Variants in FBXL7 observed in about 807,000 individuals in gnomAD.
FBXL7 encodes F-box and leucine rich repeat protein 7, also known as F-box/LRR-repeat protein 7.
FBXL7 carries 12 observed loss-of-function variants against 38.3 expected under a neutral mutation model. That is an observed-to-expected ratio of 0.31 (90% CI 0.20 to 0.51). The LOEUF (loss-of-function observed/expected upper bound fraction) is 0.51, where lower values mean the gene tolerates loss of function less well. Among genes scored for constraint, FBXL7 ranks in the 20% least tolerant of loss-of-function variants. The probability of loss-of-function intolerance (pLI) is 0.98; values close to 1 mark genes in which losing one functional copy is unlikely to be tolerated. For synonymous variants in FBXL7, 297 were observed against 300.9 expected (o/e 0.99, Z 0.13); for missense variants, 567 against 676.4 (o/e 0.84, Z 1.79).
Position 15,853,347 on chromosome 5 carries a change from T to TC in FBXL7, c.128-74542dup, listed in dbSNP as rs568933712. On this transcript the variant is annotated intron_variant, in intron 2 of 3. Transcript: ENST00000504595. ...CTTCTGTATTTTCAAGGAGGTGACA[T>TC]CTTGAAGGGGAATTTATGGGATGAG... Among the ~76,000 whole-genome samples, 400 of 152,118 alleles carry TC rather than the reference T, an allele frequency of 2.6e-3. 2 individuals are homozygous for TC. Among genetic ancestry groups the TC allele is most frequent in the Non-Finnish European group, 4.2e-3 (285 of 67,994 alleles).
chr5:15,649,424 C>T (rs1162486148), intron 2 of FBXL7, among the ~76,000 whole-genome samples: 1 of 152,160 alleles, frequency 6.6e-6, no homozygotes, highest in African/African-American at 2.4e-5. Flanking sequence ...CCTGTAGTTA[C>T]AAAGCCTATG....
intron 2 of FBXL7, among the ~76,000 whole-genome samples, chr5:15,903,761 T>C (rs945025792): frequency 2.0e-5 from 3 of 149,038 alleles, no homozygotes; most frequent in African/African-American, 7.3e-5. Flanking sequence ...GAATTTTTAT[T>C]AAATTAAATT....
At chr5:15,648,895 C>CT (rs5866155) in intron 2 of FBXL7, among the ~76,000 whole-genome samples, 28,090 of 143,410 alleles carry the variant, frequency 0.2, 2,792 homozygotes, top group African/African-American at 0.25. Flanking sequence ...TCAATTTCAA[C>CT]TTTTTTTTTT....
At chr5:15,787,785 G>A (rs1160988504) in intron 2 of FBXL7, among the ~76,000 whole-genome samples, 1 of 152,292 alleles carries the variant, frequency 6.6e-6, no homozygotes, top group South Asian at 2.1e-4. Flanking sequence ...CCTTGGACAT[G>A]CCCTGGTTTG....
chr5:15,824,378 C>T (rs1177337841), intron 2 of FBXL7, among the ~76,000 whole-genome samples: 2 of 151,878 alleles, frequency 1.3e-5, no homozygotes, highest in Non-Finnish European at 2.9e-5. Context: ...TTGTTCCTAC[C>T]TGACTGTGGC....
chr5:15,698,441 C>T (rs62347941), intron 2 of FBXL7, among the ~76,000 whole-genome samples: 41,380 of 152,088 alleles, frequency 0.27, 6,690 homozygotes, highest in South Asian at 0.38. Context: ...AGAATAATGA[C>T]GCCCAAGAGC....
chr5:15,616,069 G>A lies in FBXL7; in HGVS notation c.124G>A (p.Glu42Lys), dbSNP rs754337731. 4.4e-6 allele frequency: 7 copies of A among 1,608,566 alleles called. No homozygotes were observed. Among genetic ancestry groups the A allele is most frequent in the African/African-American group, 2.7e-5 (2 of 74,636 alleles). The change falls in exon 2 of 4, where the codon GAA (glutamate) becomes AAA (lysine). Residue 42 changes from glutamate (E) to lysine (K), a missense_variant. By Grantham distance (56) the Glu-to-Lys change is moderately conservative. Coordinates refer to ENST00000504595, the MANE Select transcript of FBXL7 (RefSeq NM_012304.5). The part of the protein sequence containing the change: ...TKAQKNVATS[E>K]DSDLSMRTLS... The stretch of plus-strand genomic sequence containing the variant: ...AGCCCAGAAGAATGTGGCTACCAGC[G>A]AAGGTAGGCAGCTGGTCTTCATTAT...
chr5:15,872,189 T>G (rs1432215880), intron 2 of FBXL7, among the ~76,000 whole-genome samples: 1 of 152,130 alleles, frequency 6.6e-6, no homozygotes, highest in Non-Finnish European at 1.5e-5. Flanking sequence ...AACAGCTTCA[T>G]AAGCAAAGGA....
chr5:15,764,157 C>T (rs1227604198), intron 2 of FBXL7, among the ~76,000 whole-genome samples: 1 of 152,162 alleles, frequency 6.6e-6, no homozygotes, highest in Non-Finnish European at 1.5e-5. Flanking sequence ...AATTCCCTAT[C>T]ACATAAACCA....
intron 2 of FBXL7, among the ~76,000 whole-genome samples, chr5:15,656,783 T>C (rs751257778): frequency 6.6e-6 from 1 of 151,980 alleles, no homozygotes; most frequent in Non-Finnish European, 1.5e-5. Flanking sequence ...AAAATACAGC[T>C]AATGAATGAG....
intron 1 of FBXL7, among the ~76,000 whole-genome samples, chr5:15,579,250 T>TC (rs1739064570): frequency 6.6e-6 from 1 of 152,048 alleles, no homozygotes; most frequent in Admixed American, 6.5e-5. Context: ...TAAGACTTAC[T>TC]CCCCCAGGCT....
In FBXL7 at chr5:15,924,691, A is replaced by G. The variant is rs73064304; in HGVS notation, c.128-3199A>G. 7.1e-3 allele frequency among the ~76,000 whole-genome samples: 1,005 copies of G among 141,700 alleles called. 12 individuals are homozygous for G. The highest frequency in any genetic ancestry group is 0.025 in the African/African-American group (953 of 37,504). 93.0% of individuals were successfully genotyped at this position (141,700 alleles called of 152,430 possible). On this transcript the variant is annotated intron_variant, in intron 2 of 3. Transcript: ENST00000504595. ...CTGTGCAGTGGCACAGTCTCAACTC[A>G]CTGCAACCTCCAACCTCTGCCTCCT... is the stretch of plus-strand genomic sequence containing the variant.
intron 1 of FBXL7, among the ~76,000 whole-genome samples, chr5:15,518,464 AG>A (rs1737007037): frequency 6.6e-6 from 1 of 152,110 alleles, no homozygotes; most frequent in African/African-American, 2.4e-5. Context: ...GTGCAATGGG[AG>A]GTAGGAAAGG....
intron 2 of FBXL7, among the ~76,000 whole-genome samples, chr5:15,835,353 C>A (rs1307028018): frequency 2.0e-5 from 3 of 152,020 alleles, no homozygotes; most frequent in African/African-American, 4.8e-5. Flanking sequence ...GATAATTAGA[C>A]CTTGAATGAG....
chr5:15,731,976 G>A (rs1038755266), intron 2 of FBXL7, among the ~76,000 whole-genome samples: 1 of 152,106 alleles, frequency 6.6e-6, no homozygotes, highest in Non-Finnish European at 1.5e-5. Context: ...TGTCCAGTGC[G>A]TATCCAAATG....
At chr5:15,781,088 C>T (rs1346273670) in intron 2 of FBXL7, among the ~76,000 whole-genome samples, 1 of 152,208 alleles carries the variant, frequency 6.6e-6, no homozygotes, top group Non-Finnish European at 1.5e-5. Context: ...TATCATCTCT[C>T]TTCCCGGTAC....
At chr5:15,749,886 A>G (rs1736112432) in intron 2 of FBXL7, among the ~76,000 whole-genome samples, 1 of 152,166 alleles carries the variant, frequency 6.6e-6, no homozygotes, top group Admixed American at 6.5e-5. Context: ...AATCTTCCTC[A>G]TTAGGCAGAT....
At chr5:15,879,199 G>A (rs548256018) in intron 2 of FBXL7, among the ~76,000 whole-genome samples, 7 of 152,138 alleles carry the variant, frequency 4.6e-5, no homozygotes, top group Non-Finnish European at 8.8e-5. Flanking sequence ...TATGCTAGCC[G>A]ATTAAACTGG....
At chr5:15,881,607 T>A (rs184578515) in intron 2 of FBXL7, among the ~76,000 whole-genome samples, 1 of 152,214 alleles carries the variant, frequency 6.6e-6, no homozygotes. Context: ...TCCACACTTT[T>A]TTTCCATAGT....
Sources: gnomAD v4.1 joint callset for allele counts (sites outside exome capture counted in the v4.1 genomes callset) on GRCh38, gnomAD v4.1.1 for gene constraint, MANE v1.5 for transcripts, NCBI Gene and HGNC (gene_info 2026-07-23, HGNC 2026-07-21) for gene names.